Variants in NCOA1 observed in about 807,000 individuals in gnomAD.
NCOA1 encodes Hin-2 protein.
A neutral mutation model predicts 150.9 loss-of-function variants in NCOA1; 35 were observed. The ratio of observed to expected loss-of-function variants is 0.23; its 90% CI spans 0.18 to 0.31. NCOA1 has a LOEUF of 0.31. Ranked by LOEUF, NCOA1 falls within the 10% of genes least tolerant of loss-of-function variation. NCOA1 has a pLI of 1.00. For synonymous variants in NCOA1, 590 were observed against 630.0 expected, an observed-to-expected ratio of 0.94 and a Z score of 0.95; for missense variants, 1,491 against 1,749.3, an observed-to-expected ratio of 0.85 and a Z score of 2.63.
chr2:24,702,394 T>A (rs1293588918), intron 11 of NCOA1, among the ~76,000 whole-genome samples: 2 of 152,204 alleles, frequency 1.3e-5, no homozygotes, highest in African/African-American at 2.4e-5. Context: ...TCTACCGGCA[T>A]TGACCCATAG....
chr2:24,766,286 A>C (rs1252648970), intron 22 of NCOA1, among the ~76,000 whole-genome samples: 1 of 152,224 alleles, frequency 6.6e-6, no homozygotes, highest in African/African-American at 2.4e-5. Context: ...CTTTTTAAGA[A>C]TTTAGGGACA....
intron 5 of NCOA1, among the ~76,000 whole-genome samples, chr2:24,664,500 A>G (rs567718434): frequency 6.6e-6 from 1 of 152,126 alleles, no homozygotes; most frequent in African/African-American, 2.4e-5. Flanking sequence ...CATGAGGTCG[A>G]GAGATCGAGA....
chr2:24,626,122 C>T (rs1359343897), intron 3 of NCOA1, among the ~76,000 whole-genome samples: 1 of 152,122 alleles, frequency 6.6e-6, no homozygotes, highest in East Asian at 1.9e-4. Context: ...TCAGCTGTAG[C>T]AGTGTGTATG....
chr2:24,567,562 CTG>C (rs1269602388), intron 2 of NCOA1, among the ~76,000 whole-genome samples: 2 of 152,260 alleles, frequency 1.3e-5, no homozygotes, highest in Admixed American at 1.3e-4. Flanking sequence ...CAGTCATAGA[CTG>C]TGTACATCAA....
At chr2:24,503,150 TG>T (rs750804790) in intron 1 of NCOA1, among the ~76,000 whole-genome samples, 4 of 152,232 alleles carry the variant, frequency 2.6e-5, no homozygotes, top group Non-Finnish European at 5.9e-5. Context: ...TGCGTGTTCC[TG>T]GAATACTCAC....
chr2:24,535,907 T>G (rs1665116860), intron 1 of NCOA1, among the ~76,000 whole-genome samples: 1 of 152,178 alleles, frequency 6.6e-6, no homozygotes, highest in African/African-American at 2.4e-5. Context: ...TCAACCTTGG[T>G]GAATCCAACA....
chr2:24,542,039 A>C (rs773807410), intron 1 of NCOA1, among the ~76,000 whole-genome samples: 8 of 152,230 alleles, frequency 5.3e-5, no homozygotes, highest in Non-Finnish European at 1.0e-4. Context: ...TACTCCAGGA[A>C]ATAATACTAG....
chr2:24,679,317 G>A (rs1672059177), intron 7 of NCOA1, among the ~76,000 whole-genome samples: 1 of 152,168 alleles, frequency 6.6e-6, no homozygotes, highest in Non-Finnish European at 1.5e-5. Context: ...AACAACATAT[G>A]AGGGAAACTT....
At chr2:24,666,199 A>AG (rs1391971152) in intron 6 of NCOA1, among the ~76,000 whole-genome samples, 1 of 151,680 alleles carries the variant, frequency 6.6e-6, no homozygotes, top group East Asian at 1.9e-4. Context: ...TTTTTTTAGT[A>AG]GAGACGGGGT....
At chr2:24,553,786 C>T (rs958444022) in intron 1 of NCOA1, among the ~76,000 whole-genome samples, 1 of 152,134 alleles carries the variant, frequency 6.6e-6, no homozygotes, top group Non-Finnish European at 1.5e-5. Flanking sequence ...AGGGTCAATA[C>T]TATATTCTCA....
intron 3 of NCOA1, among the ~76,000 whole-genome samples, chr2:24,633,733 C>T (rs1572518889): frequency 6.6e-6 from 1 of 152,206 alleles, no homozygotes; most frequent in South Asian, 2.1e-4. Flanking sequence ...AAACTACACA[C>T]TCTGGGGGAA....
intron 3 of NCOA1, among the ~76,000 whole-genome samples, chr2:24,610,124 CT>C (rs775178797): frequency 5.1e-3 from 463 of 90,196 alleles, no homozygotes; most frequent in Middle Eastern, 9.1e-3. Flanking sequence ...AGGCTGCATT[CT>C]TTTTTTTTTT....
chr2:24,576,170 G>GTTTTTGTT (rs1666967476), intron 2 of NCOA1, among the ~76,000 whole-genome samples: 2 of 46,306 alleles, frequency 4.3e-5, no homozygotes, highest in African/African-American at 1.3e-4. Flanking sequence ...TTTGTTTTTT[G>GTTTTTGTT]TTTTTTTTTT....
intron 1 of NCOA1, among the ~76,000 whole-genome samples, chr2:24,496,712 C>T (rs1050487852): frequency 2.0e-5 from 3 of 152,082 alleles, no homozygotes; most frequent in African/African-American, 7.2e-5. Flanking sequence ...TTTAGGACAG[C>T]CTTCTTAATA....
chr2:24,739,378 C>A, intron 17 of NCOA1, 54 bp from the exon 18 acceptor site: 1 of 1,242,692 alleles, frequency 8.0e-7, no homozygotes, highest in South Asian at 1.2e-5. Context: ...CTTTATAAGG[C>A]CCGTGTTATG....
chr2:24,662,824 A>G (rs55796537), intron 5 of NCOA1, among the ~76,000 whole-genome samples: 6,894 of 150,768 alleles, frequency 0.046, 250 homozygotes, highest in East Asian at 0.19. Context: ...ATCTCATTCT[A>G]TTGCCCAGGC....
intron 3 of NCOA1, among the ~76,000 whole-genome samples, chr2:24,640,301 A>G (rs533559657): frequency 6.6e-6 from 1 of 152,166 alleles, no homozygotes; most frequent in South Asian, 2.1e-4. Flanking sequence ...CAGTTGTTGG[A>G]TGTACTGTTC....
chr2:24,751,976 T>G lies in NCOA1; in HGVS notation c.3707-6T>G, dbSNP rs1480408617. On this transcript the variant is annotated splice_polypyrimidine_tract_variant and splice_region_variant and intron_variant, in intron 19 of 22. Transcript: ENST00000348332. ...TCAACATAAATTAATTTGTGTCAAT[T>G]TACAGGAATGGTTCCCCAAGGTGAG... is the stretch of plus-strand genomic sequence containing the variant. The G allele has an allele frequency of 6.2e-7, 1 of 1,604,212 alleles. No individual in the cohort carries two copies. The highest frequency in any genetic ancestry group is 2.2e-5 in the East Asian group (1 of 44,722).
chr2:24,560,299 G>T (rs1666246937), intron 1 of NCOA1, among the ~76,000 whole-genome samples: 1 of 152,130 alleles, frequency 6.6e-6, no homozygotes, highest in Non-Finnish European at 1.5e-5. Context: ...GACAGTTTGT[G>T]TGTAGTCTTT....
Sources: gnomAD v4.1 joint callset for allele counts (sites outside exome capture counted in the v4.1 genomes callset) on GRCh38, gnomAD v4.1.1 for gene constraint, MANE v1.5 for transcripts, NCBI Gene and HGNC (gene_info 2026-07-23, HGNC 2026-07-21) for gene names.